Variants in RIOK2 observed in about 807,000 individuals in gnomAD.
RIOK2 encodes serine/threonine-protein kinase RIO2.
Under a neutral mutation model 62.4 loss-of-function variants are expected in RIOK2, and 46 were observed. That is an observed-to-expected ratio of 0.74 (90% CI 0.58 to 0.94). RIOK2 has a LOEUF of 0.94. RIOK2 is among the 40% of genes least tolerant of loss of function. The pLI is 0.00. For missense variants in RIOK2, 574 were observed against 658.0 expected (o/e 0.87, Z 1.40); for synonymous variants, 197 against 216.0 (o/e 0.91, Z 0.77).
chr5:97,165,843 C>T (rs1441232933), intron 8 of RIOK2, among the ~76,000 whole-genome samples: 1 of 152,136 alleles, frequency 6.6e-6, no homozygotes, highest in Non-Finnish European at 1.5e-5. Flanking sequence ...TATATGTTAA[C>T]TTGACTGGGC....
intron 4 of RIOK2, among the ~76,000 whole-genome samples, chr5:97,174,347 G>A (rs752661856): frequency 6.6e-6 from 1 of 152,212 alleles, no homozygotes; most frequent in East Asian, 1.9e-4. Context: ...GTGAACCCGG[G>A]AGGCAGAGGT....
chr5:97,172,043 C>T (rs534639627), intron 5 of RIOK2, among the ~76,000 whole-genome samples: 1 of 152,320 alleles, frequency 6.6e-6, no homozygotes, highest in East Asian at 1.9e-4. Flanking sequence ...GTTCTTCCTT[C>T]CTCACAGATC....
In RIOK2 at chr5:97,162,875, A is replaced by T; in HGVS notation, c.*186T>A. The T allele has an allele frequency of 2.0e-6, 1 of 509,882 alleles. No individual in the cohort carries two copies. Among genetic ancestry groups the T allele is most frequent in the Non-Finnish European group, 3.4e-6 (1 of 294,780 alleles). 31.6% of individuals were successfully genotyped at this position (509,882 alleles called of 1,614,324 possible). On this transcript the variant is annotated 3_prime_UTR_variant, in exon 10 of 10. Coordinates refer to ENST00000283109, the MANE Select transcript of RIOK2 (RefSeq NM_018343.3). Reference sequence around the variant, plus strand: ...GTAGTTACCCAAATTACTTTGAAAAAAATGGACTGCTTTGGCAGGTAATTA... The same window carrying T: ...GTAGTTACCCAAATTACTTTGAAAATAATGGACTGCTTTGGCAGGTAATTA...
chr5:97,163,243 A>G lies in RIOK2; in HGVS notation c.1495-18T>C. 1 of 1,606,382 alleles carries G rather than the reference A, an allele frequency of 6.2e-7. No homozygotes were observed. Among genetic ancestry groups the G allele is most frequent in the Non-Finnish European group, 8.5e-7 (1 of 1,174,462 alleles). On this transcript the variant is annotated intron_variant, in intron 9 of 9. Coordinates refer to ENST00000283109, the MANE Select transcript of RIOK2 (RefSeq NM_018343.3). The stretch of plus-strand genomic sequence containing the variant: ...ACCAGTTCCTGGAAAGATTTCATAA[A>G]TTAGTATTACTGATAATGAACCATT...
intron 4 of RIOK2, among the ~76,000 whole-genome samples, chr5:97,173,937 T>C (rs1181255985): frequency 1.3e-5 from 2 of 152,220 alleles, no homozygotes; most frequent in East Asian, 1.9e-4. Flanking sequence ...CTTAGATTTA[T>C]GCCCTTTGAC....
rs2112841860 is a variant in RIOK2 at position 97,177,142 on chromosome 5, C to CAG, written c.470_471dup (p.Ala158LeufsTer3). ...TTCATATAGGCAAATTCCTTCATGGCAGAGAGACGAGATAAATATAGCCAT... is the reference window on the plus strand; with the variant it reads ...TTCATATAGGCAAATTCCTTCATGGCAGAGAGAGACGAGATAAATATAGCCAT... On this transcript the variant is annotated frameshift_variant, in exon 4 of 10. Coordinates refer to ENST00000283109, the MANE Select transcript of RIOK2 (RefSeq NM_018343.3). LOFTEE classifies it high-confidence loss of function. 6.2e-7 allele frequency: 1 copy of CAG among 1,611,880 alleles called. No homozygotes were observed. The highest frequency in any genetic ancestry group is 8.5e-7 in the Non-Finnish European group (1 of 1,179,052).
chr5:97,179,544 G>A (rs1749277472), intron 1 of RIOK2, among the ~76,000 whole-genome samples: 1 of 151,778 alleles, frequency 6.6e-6, no homozygotes, highest in Admixed American at 6.6e-5. Context: ...ACTACATGTA[G>A]GCATCGTAGA....
At position 97,165,210 on chromosome 5, in the gene RIOK2, T is replaced by C. The variant is rs558657149; in HGVS notation, c.1398-63A>G. The C allele has an allele frequency of 1.3e-4, 102 of 772,166 alleles. No homozygotes were observed. In the African/African-American group the frequency reaches 1.7e-3, roughly 13 times the overall value. The allele number at this position is 772,166 out of a possible 1,614,324, so 47.8% of individuals were successfully genotyped here. A position where few individuals can be genotyped will look rare whatever the true frequency, so the allele number is the denominator to read the frequency against. ...GTATAATGTAATGAATCCCATTTGA[T>C]TAATTTATATTATTTTTTGCATGCA... On this transcript the variant is annotated intron_variant, in intron 8 of 9. Transcript: ENST00000283109.
Position 97,168,778 on chromosome 5 carries a change from G to T in RIOK2, c.854C>A (p.Pro285Gln). Residue 285 changes from proline to glutamine, a missense_variant, in exon 7 of 10, where the codon CCA becomes CAA. Transcript: ENST00000283109. The part of the protein sequence containing the change: ...KRFSYESELF[P>Q]TFKDIRREDT... The stretch of plus-strand genomic sequence containing the variant: ...TACAAACCTGATATCCTTAAAAGTT[G>T]GAAAAAGCTCACTTTCGTAGCTGAA... The T allele has an allele frequency of 6.3e-7, 1 of 1,597,524 alleles. No homozygotes were observed. The highest frequency in any genetic ancestry group is 8.5e-7 in the Non-Finnish European group (1 of 1,172,910).
intron 6 of RIOK2, among the ~76,000 whole-genome samples, chr5:97,170,420 T>A (rs1748969595): frequency 6.6e-6 from 1 of 152,218 alleles, no homozygotes; most frequent in East Asian, 1.9e-4. Flanking sequence ...ATCACTGGTT[T>A]GACAACTGAG....
intron 8 of RIOK2, chr5:97,166,721 T>C (rs1748850801): frequency 1.0e-6 from 1 of 955,092 alleles, no homozygotes; most frequent in Non-Finnish European, 1.2e-6. Context: ...AGGCTCAAGG[T>C]ACTAGAGAAA....
intron 7 of RIOK2, 47 bp downstream of exon 7, chr5:97,168,713 C>A: frequency 2.6e-6 from 3 of 1,137,370 alleles, no homozygotes; most frequent in Non-Finnish European, 3.7e-6. Flanking sequence ...ATACACAGAC[C>A]AGATATTTAA....
At chr5:97,182,005 G>C (rs1326571204) in intron 1 of RIOK2, among the ~76,000 whole-genome samples, 2 of 152,158 alleles carry the variant, frequency 1.3e-5, no homozygotes, top group Non-Finnish European at 2.9e-5. Context: ...AAAACTTGAA[G>C]CCTTAACATA....
rs1217332095 is a variant in RIOK2 at position 97,167,769 on chromosome 5, G to C, written c.1095C>G (p.Cys365Trp). Reference protein sequence around the residue: ...ERNCLEESEGCYCRSSGDPEQ... With the variant: ...ERNCLEESEGWYCRSSGDPEQ... ...CAGGGTCTCCAGATGATCTGCAATA[G>C]CAGCCCTCTGATTCTTCTAGACAGT... The change falls in exon 8 of 10, where the codon TGC becomes TGG. Residue 365 changes from cysteine (C) to tryptophan (W), a missense_variant. Coordinates refer to ENST00000283109, the MANE Select transcript of RIOK2 (RefSeq NM_018343.3). 1 of 1,614,114 alleles carries C rather than the reference G, an allele frequency of 6.2e-7. No homozygotes were observed. The highest frequency in any genetic ancestry group is 1.1e-5 in the South Asian group (1 of 91,082).
chr5:97,167,639 C>T lies in RIOK2; in HGVS notation c.1225G>A (p.Glu409Lys), dbSNP rs1218167171. 1 of 1,614,050 alleles carries T rather than the reference C, an allele frequency of 6.2e-7. No individual in the cohort carries two copies. Among genetic ancestry groups the T allele is most frequent in the East Asian group, 2.2e-5 (1 of 44,896 alleles). The change falls in exon 8 of 10, where the codon GAA becomes AAA. Residue 409 changes from glutamate (E) to lysine (K), a missense_variant. Glu to Lys is a moderately conservative substitution (Grantham distance 56). Coordinates refer to ENST00000283109, the MANE Select transcript of RIOK2 (RefSeq NM_018343.3). ...ALEEIKGQVV[E>K]NNSVTEFSEE... ...GAAAATTCAGTTACAGAGTTGTTTT[C>T]AACAACCTGCCCTTTTATTTCTTCT...
rs765723097 is a variant in RIOK2 at position 97,179,072 on chromosome 5, GC to G, written c.187del (p.Ala63LeufsTer13). On this transcript the variant is annotated frameshift_variant, in exon 2 of 10. Coordinates refer to ENST00000283109, the MANE Select transcript of RIOK2 (RefSeq NM_018343.3). LOFTEE classifies it high-confidence loss of function. ...LRELVKHKLI[A>X]WERTKTVQGY... ...ATACTTACTTTTGGTACGCTCCCAA[GC>G]TATGAGTTTATGTTTCACTAATTCT... 17 of 1,613,878 alleles carry G rather than the reference GC, an allele frequency of 1.1e-5. No individual in the cohort carries two copies. Among genetic ancestry groups the G allele is most frequent in the Non-Finnish European group, 1.1e-5 (13 of 1,179,920 alleles).
At chr5:97,179,942 ACCCCAGAACTTAAAAGTATTT>A in intron 1 of RIOK2, among the ~76,000 whole-genome samples, 1 of 108,218 alleles carries the variant, frequency 9.2e-6, no homozygotes, top group South Asian at 3.0e-4. Flanking sequence ...CTGCACATGT[ACCCCAGAACTTAAAAGTATTT>A]TATATATATA....
chr5:97,166,354 TG>T, intron 8 of RIOK2: 1 of 454,808 alleles, frequency 2.2e-6, no homozygotes, highest in Non-Finnish European at 4.4e-6. Flanking sequence ...GCAGTAGCCC[TG>T]TGACACAGAT....
chr5:97,168,868 T>G lies in RIOK2; in HGVS notation c.780-16A>C, dbSNP rs772645750. ...GTCAAAATACCTGCAAAAGCAAGAA[T>G]CATTTATGATATAGTCTTTATTGCT... On this transcript the variant is annotated splice_polypyrimidine_tract_variant and intron_variant, in intron 6 of 9. Transcript: ENST00000283109. 1 of 1,472,742 alleles carries G rather than the reference T, an allele frequency of 6.8e-7. No homozygotes were observed. Among genetic ancestry groups the G allele is most frequent in the Admixed American group, 2.0e-5 (1 of 50,882 alleles). 91.2% of individuals were successfully genotyped at this position (1,472,742 alleles called of 1,614,324 possible).
Sources: allele counts gnomAD v4.1 joint callset (sites outside exome capture counted in the v4.1 genomes callset), GRCh38; gene constraint gnomAD v4.1.1; transcripts MANE v1.5; gene names NCBI Gene and HGNC (gene_info 2026-07-23, HGNC 2026-07-21).